Variants in DMXL1 observed in about 807,000 individuals in gnomAD.
The protein encoded by DMXL1 is dmX-like protein 1.
In DMXL1, 99 loss-of-function variants were observed where a neutral mutation model predicts 319.2. That is an observed-to-expected ratio of 0.31 (90% confidence interval 0.26 to 0.37). The LOEUF (loss-of-function observed/expected upper bound fraction) is 0.37, where lower values mean the gene tolerates loss of function less well. Among genes scored for constraint, DMXL1 ranks in the 10% least tolerant of loss-of-function variants. DMXL1 has a pLI of 1.00. For missense variants in DMXL1, 3,745 were observed against 3,595.6 expected (o/e 1.04, Z -1.06); for synonymous variants, 1,385 against 1,235.2 (o/e 1.12, Z -2.54).
At chr5:119,232,818 A>G (rs553789624) in intron 38 of DMXL1, among the ~76,000 whole-genome samples, 8 of 152,068 alleles carry the variant, frequency 5.3e-5, no homozygotes, top group African/African-American at 1.9e-4. Flanking sequence ...TAAAAAAAAA[A>G]AAAATTAACT....
At chr5:119,223,290 C>G (rs546280275) in intron 37 of DMXL1, among the ~76,000 whole-genome samples, 3 of 152,214 alleles carry the variant, frequency 2.0e-5, no homozygotes, top group Non-Finnish European at 4.4e-5. Context: ...CTCCTGGCCT[C>G]AAGTGATGCA....
chr5:119,157,894 T>A (rs567597252), intron 19 of DMXL1, among the ~76,000 whole-genome samples: 6 of 152,350 alleles, frequency 3.9e-5, no homozygotes, highest in African/African-American at 1.4e-4. Flanking sequence ...GCGTTGAATC[T>A]GTAGATCATT....
chr5:119,117,279 G>A (rs1478028723), intron 7 of DMXL1, among the ~76,000 whole-genome samples: 2 of 152,246 alleles, frequency 1.3e-5, no homozygotes, highest in Admixed American at 6.5e-5. Context: ...GAGCTCAGGC[G>A]ATCTGCCTGC....
chr5:119,224,815 C>A, intron 38 of DMXL1, 46 bp downstream of exon 38: 1 of 858,906 alleles, frequency 1.2e-6, no homozygotes, highest in South Asian at 3.6e-5. Flanking sequence ...ATTCTTAAAT[C>A]TATTTTTGGT....
rs781362019 is a variant in DMXL1, at chr5:119,148,766, C to T, written c.2939C>T (p.Pro980Leu). The T allele has an allele frequency of 1.2e-6, 2 of 1,613,096 alleles. No homozygotes were observed. The highest frequency in any genetic ancestry group is 1.7e-5 in the Admixed American group (1 of 59,906). The change falls in exon 18 of 44, where the codon CCT becomes CTT. Residue 980 changes from proline (P) to leucine (L), a missense_variant. Around this residue, in one of 4 missense-constraint regions of DMXL1, gnomAD observed 2,096 missense variants for 1,985.4 expected, o/e 1.06. Coordinates refer to ENST00000539542, the MANE Select transcript of DMXL1 (RefSeq NM_001290321.3). ...CATCTGAGTTCATCTTCTATATATC[C>T]TGCATGCAGTGCTCCTTATTTATTG... The part of the protein sequence containing the change: ...AGHLSSSSIY[P>L]ACSAPYLLAT...
intron 9 of DMXL1, among the ~76,000 whole-genome samples, chr5:119,128,858 G>T (rs1371887906): frequency 6.6e-6 from 1 of 152,180 alleles, no homozygotes; most frequent in African/African-American, 2.4e-5. Flanking sequence ...GAGGTTGGGA[G>T]ATCGAGACCA....
intron 35 of DMXL1, among the ~76,000 whole-genome samples, chr5:119,218,060 T>G (rs1335375071): frequency 1.3e-5 from 2 of 152,204 alleles, no homozygotes; most frequent in South Asian, 2.1e-4. Context: ...CTGTATAACA[T>G]GATATTATAT....
chr5:119,091,500 G>A (rs1477036705), intron 1 of DMXL1, among the ~76,000 whole-genome samples: 3 of 152,206 alleles, frequency 2.0e-5, no homozygotes, highest in Admixed American at 6.5e-5. Flanking sequence ...GTGATCCACT[G>A]TGCTTGGCCT....
chr5:119,143,835 A>G lies in DMXL1; in HGVS notation c.2377-6A>G. The G allele has an allele frequency of 6.4e-7, 1 of 1,555,124 alleles. No individual in the cohort carries two copies. Among genetic ancestry groups the G allele is most frequent in the Non-Finnish European group, 8.7e-7 (1 of 1,154,216 alleles). ...AGTAAATTATAAATTTTTTTAAAAA[A>G]AACAGAAATATGTTGGTGAAGTCTT... On this transcript the variant is annotated splice_region_variant and splice_polypyrimidine_tract_variant and intron_variant, in intron 13 of 43. Coordinates refer to ENST00000539542, the MANE Select transcript of DMXL1 (RefSeq NM_001290321.3).
chr5:119,155,792 A>C (rs929398161), intron 19 of DMXL1, among the ~76,000 whole-genome samples: 4 of 143,724 alleles, frequency 2.8e-5, no homozygotes, highest in Non-Finnish European at 6.0e-5. Flanking sequence ...ACACCACTGC[A>C]CTCCAGCCTG....
chr5:119,173,290 A>C (rs1213570999), intron 25 of DMXL1, among the ~76,000 whole-genome samples: 1 of 151,734 alleles, frequency 6.6e-6, no homozygotes, highest in Non-Finnish European at 1.5e-5. Flanking sequence ...CGGTGAGCCA[A>C]GATCGCACCA....
At chr5:119,139,644 C>G (rs1276971829) in intron 13 of DMXL1, among the ~76,000 whole-genome samples, 2 of 152,160 alleles carry the variant, frequency 1.3e-5, no homozygotes, top group Non-Finnish European at 2.9e-5. Context: ...TAGAAACCTA[C>G]AAAGAGACAT....
At chr5:119,130,140 A>G (rs1422553199) in intron 10 of DMXL1, among the ~76,000 whole-genome samples, 1 of 151,814 alleles carries the variant, frequency 6.6e-6, no homozygotes, top group Admixed American at 6.6e-5. Flanking sequence ...TAATTTCAAG[A>G]TGGTTTATGA....
At chr5:119,086,700 T>C (rs1251276216) in intron 1 of DMXL1, among the ~76,000 whole-genome samples, 2 of 152,206 alleles carry the variant, frequency 1.3e-5, no homozygotes, top group East Asian at 1.9e-4. Context: ...TAAAATACTT[T>C]TTATTATGGC....
chr5:119,212,534 C>G (rs1170923991), intron 34 of DMXL1, among the ~76,000 whole-genome samples: 2 of 152,114 alleles, frequency 1.3e-5, no homozygotes, highest in African/African-American at 4.8e-5. Flanking sequence ...ATATCTGAAT[C>G]TCTGCTTTCA....
chr5:119,173,776 G>GTGTGTATATATA lies in DMXL1; in HGVS notation c.6682-1484_6682-1483insGTGTATATATAT. On this transcript the variant is annotated intron_variant, in intron 25 of 43. Coordinates refer to ENST00000539542, the MANE Select transcript of DMXL1 (RefSeq NM_001290321.3). ...TGTGTATATATATATATGTGTGTGT[G>GTGTGTATATATA]TATATATATATATATATATATAATG... Among the ~76,000 whole-genome samples, 12 of 67,166 alleles carry GTGTGTATATATA rather than the reference G, an allele frequency of 1.8e-4. 2 individuals carry two copies. The highest frequency in any genetic ancestry group is 6.1e-4 in the African/African-American group (11 of 17,976). 44.1% of individuals were successfully genotyped at this position (67,166 alleles called of 152,430 possible).
intron 19 of DMXL1, 55 bp downstream of exon 19, chr5:119,152,091 C>T (rs1769927080): frequency 4.1e-6 from 5 of 1,228,826 alleles, no homozygotes; most frequent in Non-Finnish European, 3.5e-6. Flanking sequence ...AAATGAGAGA[C>T]TTGGGAGTTT....
At chr5:119,082,528 G>A (rs988777353) in intron 1 of DMXL1, among the ~76,000 whole-genome samples, 1 of 152,020 alleles carries the variant, frequency 6.6e-6, no homozygotes, top group Non-Finnish European at 1.5e-5. Flanking sequence ...TCCCACATTG[G>A]CCTCCCAGAG....
chr5:119,216,907 G>C lies in DMXL1; in HGVS notation c.7933G>C (p.Ala2645Pro). ...TTTGTTTCCTTTTATTTAGATAGAA[G>C]CAGATTTGGGATATCCTGGAGGTAA... ...MEEPNINKIEADLGYPGGKAR... is the reference protein window; with the variant it reads ...MEEPNINKIEPDLGYPGGKAR... The change falls in exon 35 of 44, where the codon GCA becomes CCA. Residue 2645 changes from alanine to proline, a missense_variant. This residue lies in a region of DMXL1 where 1,382 missense variants were observed against 1,269.5 expected (regional missense o/e 1.09). Transcript: ENST00000539542. The C allele has an allele frequency of 1.3e-6, 2 of 1,585,258 alleles. No individual in the cohort carries two copies. Among genetic ancestry groups the C allele is most frequent in the Non-Finnish European group, 1.7e-6 (2 of 1,161,982 alleles).
Sources: gnomAD v4.1 joint callset for allele counts (sites outside exome capture counted in the v4.1 genomes callset) on GRCh38, gnomAD v4.1.1 for gene constraint, gnomAD v4.1.1 regional missense constraint, MANE v1.5 for transcripts, NCBI Gene and HGNC (gene_info 2026-07-23, HGNC 2026-07-21) for gene names.